The following BZW2 variants were observed in gnomAD, a reference collection of about 807,000 sequenced individuals.
BZW2 encodes the protein basic leucine zipper and W2 domains 2, also known as eIF5-mimic protein 1.
In BZW2, 23 loss-of-function variants were observed where a neutral mutation model predicts 53.2. The ratio of observed to expected loss-of-function variants is 0.43; its 90% CI spans 0.31 to 0.61. The LOEUF is 0.61. Ranked by LOEUF, BZW2 falls within the 20% of genes least tolerant of loss-of-function variation. BZW2 has a pLI of 0.09. For synonymous variants in BZW2, 227 were observed against 186.4 expected (o/e 1.22, Z -1.77); for missense variants, 409 against 503.1 (o/e 0.81, Z 1.79).
intron 7 of BZW2, among the ~76,000 whole-genome samples, chr7:16,691,231 C>A (rs1783293421): frequency 6.6e-6 from 1 of 152,144 alleles, no homozygotes; most frequent in Non-Finnish European, 1.5e-5. Context: ...GGCATGGTAC[C>A]ACAAGCTGCA....
At chr7:16,690,273 C>T (rs1448284408) in intron 7 of BZW2, among the ~76,000 whole-genome samples, 1 of 151,890 alleles carries the variant, frequency 6.6e-6, no homozygotes, top group Non-Finnish European at 1.5e-5. Flanking sequence ...CACAATCTCG[C>T]TCACTGCAAC....
chr7:16,705,551 G>A (rs897784609), intron 11 of BZW2, among the ~76,000 whole-genome samples: 1 of 151,350 alleles, frequency 6.6e-6, no homozygotes, highest in East Asian at 1.9e-4. Flanking sequence ...CGGGCATGGT[G>A]GTGGGCACCT....
chr7:16,656,458 C>G (rs896289369), intron 1 of BZW2, among the ~76,000 whole-genome samples: 1 of 151,600 alleles, frequency 6.6e-6, no homozygotes, highest in African/African-American at 2.4e-5. Context: ...TCTTGTTTTT[C>G]CAATATGTAG....
intron 2 of BZW2, among the ~76,000 whole-genome samples, chr7:16,672,038 A>G (rs575015585): frequency 1.7e-4 from 26 of 151,894 alleles, no homozygotes; most frequent in African/African-American, 6.0e-4. Flanking sequence ...CTGTTGAGCA[A>G]TTTAGTTGCT....
Position 16,670,572 on chromosome 7 carries a change from T to C in BZW2, c.59-3840T>C, listed in dbSNP as rs529454507. The stretch of plus-strand genomic sequence containing the variant: ...TTTTATTTCCACCTTTCTCATATTA[T>C]AGGAAAGAAAATATCTTTTTTCAAC... On this transcript the variant is annotated intron_variant, in intron 2 of 11. Transcript: ENST00000258761. Among the ~76,000 whole-genome samples the C allele has an allele frequency of 9.8e-4, 150 of 152,332 alleles. 1 individual carries two copies. The highest frequency in any genetic ancestry group is 2.3e-3 in the South Asian group (11 of 4,832).
chr7:16,694,874 C>T lies in BZW2; in HGVS notation c.692C>T (p.Ala231Val). The T allele has an allele frequency of 6.4e-7, 1 of 1,560,572 alleles. No homozygotes were observed. The highest frequency in any genetic ancestry group is 2.3e-5 in the East Asian group (1 of 44,172). The change falls in exon 8 of 12, where the codon GCT becomes GTT. Residue 231 changes from alanine to valine, a missense_variant. Ala to Val is a moderately conservative substitution (Grantham distance 64, BLOSUM62 0). Coordinates refer to ENST00000258761, the MANE Select transcript of BZW2 (RefSeq NM_014038.3). ...PVNRQSVDHF[A>V]KYFTDAGLKE... The stretch of plus-strand genomic sequence containing the variant: ...AACAGACAGAGTGTGGATCATTTTG[C>T]TAAATACTTCACTGACGCAGGTCTT...
At chr7:16,705,360 T>C (rs1238823349) in intron 11 of BZW2, among the ~76,000 whole-genome samples, 1 of 145,010 alleles carries the variant, frequency 6.9e-6, no homozygotes, top group East Asian at 2.1e-4. Context: ...TCCATCTCGA[T>C]AAATAAATAA....
chr7:16,692,980 G>A (rs1196356827), intron 7 of BZW2, among the ~76,000 whole-genome samples: 1 of 152,214 alleles, frequency 6.6e-6, no homozygotes, highest in South Asian at 2.1e-4. Context: ...ATTGGGGACC[G>A]CAAGGGGAGA....
chr7:16,669,097 C>G (rs1782522359), intron 2 of BZW2, among the ~76,000 whole-genome samples: 1 of 152,142 alleles, frequency 6.6e-6, no homozygotes, highest in Non-Finnish European at 1.5e-5. Flanking sequence ...GCTCAGGTTT[C>G]TCCCTGAGAC....
intron 1 of BZW2, among the ~76,000 whole-genome samples, chr7:16,664,461 TC>T (rs1291677562): frequency 1.3e-5 from 2 of 152,198 alleles, no homozygotes; most frequent in African/African-American, 4.8e-5. Flanking sequence ...GGACGATCTT[TC>T]CTGAAAGAGA....
chr7:16,681,798 CA>C (rs1229217844), intron 4 of BZW2, among the ~76,000 whole-genome samples: 2 of 152,110 alleles, frequency 1.3e-5, no homozygotes, highest in African/African-American at 4.8e-5. Flanking sequence ...TGCCACTGCT[CA>C]ACCTTGGTGA....
intron 2 of BZW2, among the ~76,000 whole-genome samples, chr7:16,668,938 C>T (rs1183620260): frequency 1.3e-5 from 2 of 152,108 alleles, no homozygotes; most frequent in Non-Finnish European, 2.9e-5. Context: ...GAAAATTTCT[C>T]CCATGAGCAA....
intron 2 of BZW2, among the ~76,000 whole-genome samples, chr7:16,671,238 A>G (rs558871512): frequency 1.3e-5 from 2 of 152,256 alleles, no homozygotes; most frequent in East Asian, 3.9e-4. Flanking sequence ...TGTATCATAT[A>G]GTTTCAGCTA....
At chr7:16,683,351 G>A (rs1218800936) in intron 5 of BZW2, among the ~76,000 whole-genome samples, 6 of 152,198 alleles carry the variant, frequency 3.9e-5, no homozygotes, top group African/African-American at 1.4e-4. Context: ...GAAGAAATAT[G>A]TGATTATTCT....
chr7:16,685,877 T>C (rs2128363673), intron 5 of BZW2, 28 bp from the exon 6 acceptor site: 1 of 126,990 alleles, frequency 7.9e-6, no homozygotes, highest in East Asian at 2.4e-4. Flanking sequence ...TTTCTTTTTC[T>C]TTTTTTTTTT....
At chr7:16,688,916 C>G (rs535689176) in intron 6 of BZW2, among the ~76,000 whole-genome samples, 2 of 152,180 alleles carry the variant, frequency 1.3e-5, no homozygotes, top group South Asian at 4.1e-4. Context: ...TATAGCTTAA[C>G]TCAAGAATAT....
intron 3 of BZW2, among the ~76,000 whole-genome samples, chr7:16,678,467 G>C (rs1209428218): frequency 1.3e-5 from 2 of 152,096 alleles, no homozygotes; most frequent in Non-Finnish European, 2.9e-5. Flanking sequence ...AAAAACGTTA[G>C]AAATGGCAAA....
At chr7:16,702,352 T>C (rs1783692678) in intron 10 of BZW2, among the ~76,000 whole-genome samples, 1 of 152,184 alleles carries the variant, frequency 6.6e-6, no homozygotes. Context: ...AATTCTCTGG[T>C]ACTAGAAGTT....
At chr7:16,657,511 GCT>G (rs1244780249) in intron 1 of BZW2, among the ~76,000 whole-genome samples, 8 of 151,956 alleles carry the variant, frequency 5.3e-5, no homozygotes, top group Non-Finnish European at 8.8e-5. Context: ...TTCTTTTTCT[GCT>G]CTCTTTAAAA....
Sources: allele counts gnomAD v4.1 joint callset (sites outside exome capture counted in the v4.1 genomes callset), GRCh38; gene constraint gnomAD v4.1.1; transcripts MANE v1.5; gene names NCBI Gene and HGNC (gene_info 2026-07-23, HGNC 2026-07-21).